Variants in AQP9 observed in about 807,000 individuals in gnomAD.
AQP9 encodes the protein aquaporin 9, also known as aquaporin-9.
Under a neutral mutation model 23.8 loss-of-function variants are expected in AQP9, and 19 were observed. That is an observed-to-expected ratio of 0.80 (90% CI 0.56 to 1.17). The LOEUF is 1.17. Among genes scored for constraint, AQP9 ranks in the 50% most tolerant of loss-of-function variants. AQP9 has a pLI of 0.00. For synonymous variants in AQP9, 153 were observed against 131.5 expected, an observed-to-expected ratio of 1.16 and a Z score of -1.12; for missense variants, 413 against 362.0, an observed-to-expected ratio of 1.14 and a Z score of -1.14.
intron 1 of AQP9, among the ~76,000 whole-genome samples, chr15:58,142,379 T>C (rs1897966468): frequency 6.6e-6 from 1 of 152,200 alleles, no homozygotes; most frequent in Non-Finnish European, 1.5e-5. Context: ...ACTCCTTTCA[T>C]GTGAAAGCCC....
rs372374128 is a variant in AQP9, at chr15:58,179,287, C to T, written c.655C>T (p.Arg219Ter). The change falls in exon 5 of 6, where the codon CGA (arginine) becomes TGA (stop). Residue 219 changes from arginine (R) to a stop codon, truncating the protein, a stop_gained. Coordinates refer to ENST00000219919, the MANE Select transcript of AQP9 (RefSeq NM_020980.5). LOFTEE classifies it high-confidence loss of function. ...LNSGCAMNPA[R>*]DLSPRLFTAL... is the part of the protein sequence containing the mutation. Reference sequence around the variant, plus strand: ...CAGTGGCTGTGCCATGAACCCAGCTCGAGACCTGAGTCCCAGACTTTTCAC... The same window carrying T: ...CAGTGGCTGTGCCATGAACCCAGCTTGAGACCTGAGTCCCAGACTTTTCAC... 6.2e-6 allele frequency: 10 copies of T among 1,613,974 alleles called. No individual in the cohort carries two copies. Among genetic ancestry groups the T allele is most frequent in the African/African-American group, 1.3e-5 (1 of 74,916 alleles).
chr15:58,139,425 T>TAAGTGG (rs1897914265), intron 1 of AQP9, among the ~76,000 whole-genome samples: 1 of 152,218 alleles, frequency 6.6e-6, no homozygotes, highest in Non-Finnish European at 1.5e-5. Context: ...TGGGCTTTCA[T>TAAGTGG]TTTGCTGCAC....
intron 1 of AQP9, among the ~76,000 whole-genome samples, chr15:58,163,288 G>C (rs929226001): frequency 2.0e-5 from 3 of 152,168 alleles, no homozygotes; most frequent in African/African-American, 7.2e-5. Context: ...GCTAGATTGA[G>C]CAAGTGCTAG....
chr15:58,178,661 TTC>T (rs1898810058), intron 4 of AQP9, among the ~76,000 whole-genome samples: 1 of 152,258 alleles, frequency 6.6e-6, no homozygotes, highest in African/African-American at 2.4e-5. Context: ...GCTTTCCTAA[TTC>T]TGTTTTCCTT....
intron 1 of AQP9, among the ~76,000 whole-genome samples, chr15:58,145,275 G>C (rs1233156073): frequency 6.6e-6 from 1 of 151,896 alleles, no homozygotes; most frequent in African/African-American, 2.4e-5. Flanking sequence ...GGCCGAGGCA[G>C]GTGGATCACC....
At position 58,148,251 on chromosome 15, in the gene AQP9, T is replaced by C. The variant is rs183694905; in HGVS notation, c.111+9575T>C. Among the ~76,000 whole-genome samples the C allele has an allele frequency of 4.6e-5, 7 of 152,288 alleles. No homozygotes were observed. In the East Asian group the frequency reaches 7.7e-4, roughly 17 times the overall value. On this transcript the variant is annotated intron_variant, in intron 1 of 5. Coordinates refer to ENST00000219919, the MANE Select transcript of AQP9 (RefSeq NM_020980.5). ...TACATGTGGTCCTTCCCAAATATGT[T>C]TGGGAAACACTGGGTTAAACCAAAA...
chr15:58,155,859 T>C (rs1898245504), intron 1 of AQP9: 1 of 152,230 alleles, frequency 6.6e-6, no homozygotes, highest in South Asian at 2.1e-4. Flanking sequence ...TCCATTCTTA[T>C]TCTAGCAGTT....
chr15:58,174,847 C>T (rs1373596400), intron 3 of AQP9, 71 bp from the exon 4 acceptor site: 9 of 1,309,694 alleles, frequency 6.9e-6, no homozygotes, highest in Non-Finnish European at 9.9e-6. Context: ...TTGTTTAGCA[C>T]AAGGCTTGGC....
At chr15:58,166,052 C>A (rs1192400383) in intron 1 of AQP9, among the ~76,000 whole-genome samples, 1 of 152,170 alleles carries the variant, frequency 6.6e-6, no homozygotes, top group East Asian at 1.9e-4. Flanking sequence ...GGCCTTTCCC[C>A]TTTATTGGAT....
chr15:58,140,946 T>C (rs1157802995), intron 1 of AQP9, among the ~76,000 whole-genome samples: 3 of 152,158 alleles, frequency 2.0e-5, no homozygotes, highest in Non-Finnish European at 4.4e-5. Flanking sequence ...GAACAGTTGG[T>C]ATAAAGGACT....
intron 1 of AQP9, chr15:58,151,949 A>T (rs1301945789): frequency 3.9e-5 from 6 of 152,154 alleles, no homozygotes; most frequent in African/African-American, 1.4e-4. Context: ...AATAGTTATG[A>T]CAAGCTCTAT....
chr15:58,168,825 C>T (rs1898561817), intron 2 of AQP9, among the ~76,000 whole-genome samples: 2 of 152,238 alleles, frequency 1.3e-5, no homozygotes, highest in Admixed American at 1.3e-4. Flanking sequence ...ACTGCTCCCC[C>T]TATAAGCTCC....
intron 2 of AQP9, among the ~76,000 whole-genome samples, chr15:58,170,991 C>G (rs1898607878): frequency 6.6e-6 from 1 of 152,046 alleles, no homozygotes; most frequent in African/African-American, 2.4e-5. Context: ...GTGGCGCAAT[C>G]TCTGCTCACT....
rs1032709251 is a variant in AQP9, at chr15:58,184,651, G to C, written c.*516G>C. ...CAGTTCCCGCTATGCTACTGGATTT[G>C]TATAAATACTGATATTCTCCAAACC... On this transcript the variant is annotated 3_prime_UTR_variant, in exon 6 of 6. Transcript: ENST00000219919. 1.3e-5 allele frequency: 2 copies of C among 152,810 alleles called. No homozygotes were observed. The highest frequency in any genetic ancestry group is 2.9e-5 in the Non-Finnish European group (2 of 68,468). The allele number at this position is 152,810 out of a possible 1,614,324, so 9.5% of individuals were successfully genotyped here.
At chr15:58,141,466 A>C (rs1349712725) in intron 1 of AQP9, among the ~76,000 whole-genome samples, 2 of 152,194 alleles carry the variant, frequency 1.3e-5, no homozygotes, top group African/African-American at 4.8e-5. Flanking sequence ...CATCTCTTAG[A>C]ATGGAAAAAA....
intron 2 of AQP9, among the ~76,000 whole-genome samples, chr15:58,167,917 G>A (rs1204799726): frequency 1.3e-5 from 2 of 152,080 alleles, no homozygotes; most frequent in South Asian, 2.1e-4. Flanking sequence ...TAGAGACGGG[G>A]TTTCACCATG....
In AQP9 at chr15:58,166,694, G is replaced by A; in HGVS notation, c.133G>A (p.Ala45Thr). ...ILIVLGCGCV[A>T]QAILSRGRFG... is the part of the protein sequence containing the mutation. ...CCAGGTCCTTGGATGTGGCTGTGTT[G>A]CCCAAGCTATTCTCAGTCGAGGACG... The change falls in exon 2 of 6, where the codon GCC (alanine) becomes ACC (threonine). Residue 45 changes from alanine (A) to threonine (T), a missense_variant. Coordinates refer to ENST00000219919, the MANE Select transcript of AQP9 (RefSeq NM_020980.5). 1 of 1,611,264 alleles carries A rather than the reference G, an allele frequency of 6.2e-7. No individual in the cohort carries two copies. The highest frequency in any genetic ancestry group is 8.5e-7 in the Non-Finnish European group (1 of 1,178,534).
chr15:58,156,565 G>A (rs1192797615), intron 1 of AQP9, among the ~76,000 whole-genome samples: 1 of 152,116 alleles, frequency 6.6e-6, no homozygotes, highest in South Asian at 2.1e-4. Context: ...TGTCAACATG[G>A]ACATAACCTC....
chr15:58,185,781 A>G lies in AQP9; in HGVS notation c.*1646A>G, dbSNP rs1430102288. Reference sequence around the variant, plus strand: ...AACTGCTTTGTGCTGATATCAGAACAGCAGAAATTAAATGTGAAATGTTTC... The same window carrying G: ...AACTGCTTTGTGCTGATATCAGAACGGCAGAAATTAAATGTGAAATGTTTC... On this transcript the variant is annotated 3_prime_UTR_variant, in exon 6 of 6. Coordinates refer to ENST00000219919, the MANE Select transcript of AQP9 (RefSeq NM_020980.5). 2 of 152,260 alleles carry G rather than the reference A, an allele frequency of 1.3e-5. No individual in the cohort carries two copies. The highest frequency in any genetic ancestry group is 4.8e-5 in the African/African-American group (2 of 41,472). The allele number at this position is 152,260 out of a possible 1,614,324, so 9.4% of individuals were successfully genotyped here.
Sources: gnomAD v4.1 joint callset for allele counts (sites outside exome capture counted in the v4.1 genomes callset) on GRCh38, gnomAD v4.1.1 for gene constraint, MANE v1.5 for transcripts, NCBI Gene and HGNC (gene_info 2026-07-23, HGNC 2026-07-21) for gene names.